MYCBP2: variants seen among roughly 807,000 people sequenced by gnomAD.
MYCBP2 encodes the protein MYC binding protein 2.
MYCBP2 carries 120 observed loss-of-function variants against 525.3 expected under a neutral mutation model. That is an observed-to-expected ratio of 0.23 (90% CI 0.20 to 0.27). The LOEUF (loss-of-function observed/expected upper bound fraction) is 0.27, where lower values mean the gene tolerates loss of function less well. MYCBP2 is among the 10% of genes least tolerant of loss of function. The probability of loss-of-function intolerance (pLI) is 1.00; values close to 1 mark genes in which losing one functional copy is unlikely to be tolerated. For synonymous variants in MYCBP2, 1,894 were observed against 1,955.8 expected (o/e 0.97, Z 0.83); for missense variants, 4,149 against 5,657.1 (o/e 0.73, Z 8.55).
chr13:77,189,505 A>C (rs1255319797), intron 29 of MYCBP2, among the ~76,000 whole-genome samples: 1 of 152,144 alleles, frequency 6.6e-6, no homozygotes, highest in Non-Finnish European at 1.5e-5. Flanking sequence ...GGGGAAAAAT[A>C]ATGTTTGTAA....
chr13:77,191,485 G>A (rs947273377), intron 28 of MYCBP2, among the ~76,000 whole-genome samples, 194 bp downstream of exon 28: 2 of 152,172 alleles, frequency 1.3e-5, no homozygotes, highest in African/African-American at 4.8e-5. Context: ...GCAAAGTACA[G>A]TGGTCTTATT....
At chr13:77,243,604 C>T (rs553497106) in intron 16 of MYCBP2, among the ~76,000 whole-genome samples, 2 of 147,986 alleles carry the variant, frequency 1.4e-5, no homozygotes, top group East Asian at 3.9e-4. Flanking sequence ...CAGAGCAAGA[C>T]TCCATCTCAA....
At chr13:77,211,378 A>G in intron 22 of MYCBP2, 58 bp from the exon 23 acceptor site, 1 of 906,754 alleles carries the variant, frequency 1.1e-6, no homozygotes, top group South Asian at 5.4e-5. Context: ...TAAATTCTCC[A>G]AAACCCATAA....
Position 77,058,088 on chromosome 13 carries a change from C to T in MYCBP2, c.13329+130G>A, listed in dbSNP as rs899920131. ...ATCTCCTGACCTCGTGATCCACCTG[C>T]CTCGGCCTCCCAAAGTGCTGGGATT... On this transcript the variant is annotated intron_variant, in intron 78 of 82. Transcript: ENST00000544440. The surrounding 1 kb of genome is among the most constrained non-coding windows in gnomAD (Gnocchi z 4.1). 3.3e-5 allele frequency: 31 copies of T among 939,872 alleles called. No homozygotes were observed. Among genetic ancestry groups the T allele is most frequent in the South Asian group, 4.8e-5 (3 of 62,770 alleles). 58.2% of individuals were successfully genotyped at this position (939,872 alleles called of 1,614,324 possible). A position where few individuals can be genotyped will look rare whatever the true frequency, so the allele number is the denominator to read the frequency against.
intron 82 of MYCBP2, among the ~76,000 whole-genome samples, chr13:77,048,042 T>G (rs772697546): frequency 1.3e-5 from 2 of 152,158 alleles, no homozygotes; most frequent in Non-Finnish European, 2.9e-5. Flanking sequence ...AAAGAACTCC[T>G]GGCATTATCT....
chr13:77,185,115 A>T lies in MYCBP2; in HGVS notation c.4707T>A (p.Asn1569Lys), dbSNP rs757587851. Residue 1569 changes from asparagine (N) to lysine (K), a missense_variant, in exon 32 of 83, where the codon AAT becomes AAA. Transcript: ENST00000544440. ...LQWACLCDLL[N>K]CLDQDIQEAN... ...AAACTTAAATTACCTGATCCAAACA[A>T]TTCAGCAGATCACAAAGGCAAGCCC... 1 of 1,614,008 alleles carries T rather than the reference A, an allele frequency of 6.2e-7. No homozygotes were observed. The highest frequency in any genetic ancestry group is 2.2e-5 in the East Asian group (1 of 44,872).
intron 2 of MYCBP2, among the ~76,000 whole-genome samples, chr13:77,295,939 T>C (rs930888337): frequency 1.3e-5 from 2 of 152,194 alleles, no homozygotes; most frequent in African/African-American, 2.4e-5. Context: ...GAAAGGCATA[T>C]GATGAACCCA....
At chr13:77,144,957 T>G (rs1450588271) in intron 48 of MYCBP2, among the ~76,000 whole-genome samples, 1 of 152,226 alleles carries the variant, frequency 6.6e-6, no homozygotes, top group Non-Finnish European at 1.5e-5. Context: ...AACATTTTTA[T>G]GCTGCAATCA....
At chr13:77,248,408 A>ACTC (rs2070460938) in intron 15 of MYCBP2, among the ~76,000 whole-genome samples, 2 of 152,172 alleles carry the variant, frequency 1.3e-5, no homozygotes. Context: ...AATTCCTAAA[A>ACTC]CTCATCAACA....
At chr13:77,175,216 C>T (rs921889310) in intron 36 of MYCBP2, among the ~76,000 whole-genome samples, 13 of 151,416 alleles carry the variant, frequency 8.6e-5, no homozygotes, top group Admixed American at 2.6e-4. Context: ...TACAGGTGTG[C>T]GCTACTGTGC....
At chr13:77,177,721 G>T (rs747254764) in intron 35 of MYCBP2, 27 bp downstream of exon 35, 11 of 1,565,678 alleles carry the variant, frequency 7.0e-6, no homozygotes, top group Non-Finnish European at 9.7e-6. Flanking sequence ...CACTAATCAG[G>T]ATAAATACTA....
intron 28 of MYCBP2, among the ~76,000 whole-genome samples, chr13:77,191,152 T>C (rs2061256250): frequency 6.6e-6 from 1 of 152,156 alleles, no homozygotes; most frequent in South Asian, 2.1e-4. Flanking sequence ...ATGGGGCTAA[T>C]AACTGCTTCA....
intron 32 of MYCBP2, among the ~76,000 whole-genome samples, chr13:77,183,134 T>G (rs2060368396): frequency 1.3e-5 from 2 of 152,204 alleles, no homozygotes; most frequent in Non-Finnish European, 2.9e-5. Context: ...GTTTACATGT[T>G]CAATTTGGTT....
intron 36 of MYCBP2, among the ~76,000 whole-genome samples, chr13:77,174,962 ATAT>A (rs1348920742): frequency 2.4e-5 from 3 of 123,560 alleles, no homozygotes; most frequent in African/African-American, 1.1e-4. Flanking sequence ...TTATATATAT[ATAT>A]TTTTTTCTGA....
At chr13:77,279,788 C>T (rs2076001868) in intron 3 of MYCBP2, among the ~76,000 whole-genome samples, 1 of 152,156 alleles carries the variant, frequency 6.6e-6, no homozygotes, top group Non-Finnish European at 1.5e-5. Context: ...ACCCTGTCCT[C>T]TAAGAGTTTA....
At chr13:77,295,934 G>A (rs2078142957) in intron 2 of MYCBP2, among the ~76,000 whole-genome samples, 1 of 152,104 alleles carries the variant, frequency 6.6e-6, no homozygotes, top group South Asian at 2.1e-4. Flanking sequence ...GTCAAGAAAG[G>A]CATATGATGA....
At chr13:77,232,341 T>A (rs1180098561) in intron 18 of MYCBP2, among the ~76,000 whole-genome samples, 1 of 152,220 alleles carries the variant, frequency 6.6e-6, no homozygotes, top group East Asian at 1.9e-4. Flanking sequence ...GAGTTTTAAG[T>A]TGTGCTAGCT....
rs750206105 is a variant in MYCBP2, at chr13:77,098,238, T to C, written c.8916A>G (p.Gly2972=). The change falls in exon 56 of 83, where the codon GGA becomes GGG. Residue 2972 remains glycine (G), a synonymous_variant. Coordinates refer to ENST00000544440, the MANE Select transcript of MYCBP2 (RefSeq NM_015057.5). ...CCTGTTCATCTTTCAGTGGTGCTTT[T>C]CCAATGCTAAAATGAACTTTATTTG... ...EGSNKVHFSI[G]KAPLKDEQEM... is the part of the protein sequence containing the mutation. 4.6e-5 allele frequency: 75 copies of C among 1,613,282 alleles called. No homozygotes were observed. Among genetic ancestry groups the C allele is most frequent in the Non-Finnish European group, 5.7e-5 (67 of 1,179,780 alleles).
At position 77,251,167 on chromosome 13, in the gene MYCBP2, C is replaced by A; in HGVS notation, c.2365G>T (p.Asp789Tyr). 6.2e-7 allele frequency: 1 copy of A among 1,614,070 alleles called. No individual in the cohort carries two copies. The change falls in exon 15 of 83, where the codon GAC (aspartate) becomes TAC (tyrosine). Residue 789 changes from aspartate to tyrosine, a missense_variant. Asp to Tyr is a radical substitution (Grantham distance 160). This residue lies in a region of MYCBP2 where 620 missense variants were observed against 795.5 expected (regional missense o/e 0.78). Transcript: ENST00000544440. ...GASCVSSGRP[D>Y]RVPGGICGCG... is the part of the protein sequence containing the mutation. ...GTCTCTTACCCTCCGGGGACTCTGTCTGGCCGTCCACTACTGACACAGCTG... is the reference window on the plus strand; with the variant it reads ...GTCTCTTACCCTCCGGGGACTCTGTATGGCCGTCCACTACTGACACAGCTG...
Sources: allele counts gnomAD v4.1 joint callset (sites outside exome capture counted in the v4.1 genomes callset), GRCh38; gene constraint gnomAD v4.1.1; regional missense constraint gnomAD v4.1.1; non-coding constraint Gnocchi (gnomAD v3.1); transcripts MANE v1.5; gene names NCBI Gene and HGNC (gene_info 2026-07-23, HGNC 2026-07-21).